MAST4: variants seen among roughly 807,000 people sequenced by gnomAD.
The protein encoded by MAST4 is microtubule associated serine/threonine kinase family member 4.
In MAST4, 89 loss-of-function variants were observed where a neutral mutation model predicts 162.7. The ratio of observed to expected loss-of-function variants is 0.55; its 90% CI spans 0.46 to 0.65. The LOEUF (loss-of-function observed/expected upper bound fraction) is 0.65. Among genes scored for constraint, MAST4 ranks in the 30% least tolerant of loss-of-function variants. MAST4 has a pLI of 0.00. For missense variants in MAST4, 3,153 were observed against 3,374.0 expected (o/e 0.93, Z 1.62); for synonymous variants, 1,479 against 1,361.1 (o/e 1.09, Z -1.91).
At chr5:66,707,502 C>T (rs559286271) in intron 1 of MAST4, among the ~76,000 whole-genome samples, 123 of 152,232 alleles carry the variant, frequency 8.1e-4, no homozygotes, top group African/African-American at 2.8e-3. Context: ...GATCAAGGTG[C>T]GAGCAGGGTT....
intron 4 of MAST4, among the ~76,000 whole-genome samples, chr5:67,007,081 T>C (rs1752124011): frequency 6.6e-6 from 1 of 152,188 alleles, no homozygotes; most frequent in African/African-American, 2.4e-5. Flanking sequence ...TTATATTTAT[T>C]ATGTAGATTC....
chr5:67,102,713 G>T, intron 9 of MAST4, 102 bp downstream of exon 9: 1 of 866,416 alleles, frequency 1.2e-6, no homozygotes, highest in Non-Finnish European at 1.9e-6. Flanking sequence ...GTCCAATCTA[G>T]TAATGATTTG....
chr5:66,879,828 A>C (rs1461304849), intron 3 of MAST4, among the ~76,000 whole-genome samples: 1 of 152,160 alleles, frequency 6.6e-6, no homozygotes, highest in Non-Finnish European at 1.5e-5. Flanking sequence ...TTTCTTACTT[A>C]TAATTCTGGT....
intron 1 of MAST4, among the ~76,000 whole-genome samples, chr5:66,721,471 G>T (rs1344531268): frequency 6.6e-6 from 1 of 151,766 alleles, no homozygotes; most frequent in Non-Finnish European, 1.5e-5. Flanking sequence ...ACACCTCCAA[G>T]TCTTAGTTGT....
Position 66,648,063 on chromosome 5 carries a change from TGTGTGTGTGTGTGTGTGTGTGAGAGA to T in MAST4, c.363+51047_363+51072del, listed in dbSNP as rs1237610058. ...GTGTGTGTGTGTGTGTGTGTGTGTG[TGTGTGTGTGTGTGTGTGTGTGAGAGA>T]GAGAGAGAGAGAGAGATTTAGTATT... is the stretch of plus-strand genomic sequence containing the variant. On this transcript the variant is annotated intron_variant, in intron 1 of 28. Coordinates refer to ENST00000403625, the MANE Select transcript of MAST4 (RefSeq NM_001164664.2). Among the ~76,000 whole-genome samples the T allele has an allele frequency of 3.0e-5, 4 of 132,520 alleles. 1 individual carries two copies. The South Asian group carries it at 8.1e-4, about 27-fold the overall frequency. 86.9% of individuals were successfully genotyped at this position (132,520 alleles called of 152,430 possible). A position where few individuals can be genotyped will look rare whatever the true frequency, so the allele number is the denominator to read the frequency against.
intron 4 of MAST4, among the ~76,000 whole-genome samples, chr5:67,032,236 T>C (rs1260441793): frequency 6.6e-6 from 1 of 152,130 alleles, no homozygotes; most frequent in Non-Finnish European, 1.5e-5. Context: ...ATCTCTGCTT[T>C]CTAATGAAGA....
chr5:66,637,068 A>G (rs1745167686), intron 1 of MAST4, among the ~76,000 whole-genome samples: 1 of 152,218 alleles, frequency 6.6e-6, no homozygotes, highest in Non-Finnish European at 1.5e-5. Flanking sequence ...TACACTTTTT[A>G]TAAAACCAAA....
intron 4 of MAST4, among the ~76,000 whole-genome samples, chr5:66,919,908 CCTTCCTTCCTTCCTTCCTTCCTTCCT>C (rs1764389870): frequency 2.7e-4 from 1 of 3,718 alleles, no homozygotes; most frequent in East Asian, 2.1e-3. Flanking sequence ...CTCCTTCCTT[CCTTCCTTCCTTCCTTCCTTCCTTCCT>C]TCCTTCCTTC....
intron 1 of MAST4, among the ~76,000 whole-genome samples, chr5:66,720,395 T>A (rs534122404): frequency 1.3e-5 from 2 of 152,322 alleles, no homozygotes; most frequent in Admixed American, 1.3e-4. Context: ...ATTGTCTATT[T>A]CCATATAGTT....
intron 4 of MAST4, among the ~76,000 whole-genome samples, chr5:67,015,211 C>T (rs1381367826): frequency 6.6e-6 from 1 of 152,176 alleles, no homozygotes; most frequent in East Asian, 1.9e-4. Context: ...GGAAGCTCGT[C>T]ATGACCTATT....
chr5:66,763,744 C>G (rs1753957146), intron 2 of MAST4, among the ~76,000 whole-genome samples: 1 of 152,166 alleles, frequency 6.6e-6, no homozygotes. Context: ...CGGTCCCCCA[C>G]TTACTATGGT....
At chr5:66,677,175 G>A (rs1748004393) in intron 1 of MAST4, among the ~76,000 whole-genome samples, 1 of 152,170 alleles carries the variant, frequency 6.6e-6, no homozygotes, top group African/African-American at 2.4e-5. Flanking sequence ...GGCCTTTACA[G>A]TGCAAACAAG....
chr5:66,789,770 G>A, intron 3 of MAST4: 1 of 518,758 alleles, frequency 1.9e-6, no homozygotes, highest in Non-Finnish European at 3.8e-6. Context: ...AGCAACCTGG[G>A]AGGTACTTTT....
chr5:67,041,626 A>G (rs1756753279), intron 4 of MAST4, among the ~76,000 whole-genome samples: 1 of 152,104 alleles, frequency 6.6e-6, no homozygotes, highest in Non-Finnish European at 1.5e-5. Flanking sequence ...CTCTGTGGTC[A>G]TTGATATTCT....
intron 1 of MAST4, among the ~76,000 whole-genome samples, chr5:66,756,807 T>A (rs979050238): frequency 1.3e-5 from 2 of 152,174 alleles, no homozygotes; most frequent in African/African-American, 4.8e-5. Context: ...TGTGATCGGA[T>A]GTGAAGAGGA....
chr5:67,060,925 A>G (rs556487882), intron 5 of MAST4, among the ~76,000 whole-genome samples: 14 of 152,272 alleles, frequency 9.2e-5, no homozygotes, highest in Middle Eastern at 3.4e-3. Context: ...TAGGCGTGTG[A>G]CTGTTTCGTT....
intron 12 of MAST4, among the ~76,000 whole-genome samples, chr5:67,116,839 C>T (rs1766980904): frequency 6.6e-6 from 1 of 152,030 alleles, no homozygotes; most frequent in South Asian, 2.1e-4. Flanking sequence ...TAAATGATTA[C>T]AGACTCTGAT....
Position 67,132,040 on chromosome 5 carries a change from A to C in MAST4, c.2093+89A>C. 4 of 1,390,396 alleles carry C rather than the reference A, an allele frequency of 2.9e-6. No individual in the cohort carries two copies. The South Asian group carries it at 5.6e-5, about 19-fold the overall frequency. 86.1% of individuals were successfully genotyped at this position (1,390,396 alleles called of 1,614,324 possible). Reference sequence around the variant, plus strand: ...AGATGTTTTCTTTTAGTCAATGTACATTTTTAAATTATTCCATAATGTCCA... The same window carrying C: ...AGATGTTTTCTTTTAGTCAATGTACCTTTTTAAATTATTCCATAATGTCCA... On this transcript the variant is annotated intron_variant, in intron 16 of 28. Transcript: ENST00000403625.
At chr5:66,825,261 GAC>G (rs56076405) in intron 3 of MAST4, among the ~76,000 whole-genome samples, 14,075 of 135,112 alleles carry the variant, frequency 0.1, 687 homozygotes, top group Middle Eastern at 0.12. Flanking sequence ...TAAAAACTAA[GAC>G]ACACACACAC....
Sources: allele counts gnomAD v4.1 joint callset (sites outside exome capture counted in the v4.1 genomes callset), GRCh38; gene constraint gnomAD v4.1.1; transcripts MANE v1.5; gene names NCBI Gene and HGNC (gene_info 2026-07-23, HGNC 2026-07-21).